The following BAZ2B variants were observed in gnomAD, a reference collection of about 807,000 sequenced individuals.
BAZ2B encodes bromodomain adjacent to zinc finger domain protein 2B.
In BAZ2B, 91 loss-of-function variants were observed where a neutral mutation model predicts 246.0. That is an observed-to-expected ratio of 0.37 (90% CI 0.31 to 0.44). The LOEUF (loss-of-function observed/expected upper bound fraction) is 0.44. BAZ2B is among the 20% of genes least tolerant of loss of function. BAZ2B has a pLI of 1.00. For missense variants in BAZ2B, 2,332 were observed against 2,533.7 expected, an observed-to-expected ratio of 0.92 and a Z score of 1.71; for synonymous variants, 855 against 860.0, an observed-to-expected ratio of 0.99 and a Z score of 0.10.
Position 159,519,236 on chromosome 2 carries a change from T to TTTTTTTTTTA in BAZ2B, c.-3+36586_-3+36587insTAAAAAAAAA, listed in dbSNP as rs1553692833. ...TTTTTTTTTTTTTTTTTTTTTTTTT[T>TTTTTTTTTTA]TTTTGAGACGGAGTCTCGCTCTGTC... On this transcript the variant is annotated intron_variant, in intron 2 of 36. Coordinates refer to ENST00000392783, the MANE Select transcript of BAZ2B (RefSeq NM_013450.4). 1.7e-3 allele frequency among the ~76,000 whole-genome samples: 122 copies of TTTTTTTTTTA among 70,612 alleles called. 6 individuals carry two copies. Among genetic ancestry groups the TTTTTTTTTTA allele is most frequent in the Non-Finnish European group, 2.3e-3 (82 of 35,890 alleles). 46.3% of individuals were successfully genotyped at this position (70,612 alleles called of 152,430 possible).
At chr2:159,573,335 G>A (rs1684474648) in intron 1 of BAZ2B, among the ~76,000 whole-genome samples, 1 of 152,120 alleles carries the variant, frequency 6.6e-6, no homozygotes, top group South Asian at 2.1e-4. Flanking sequence ...GAATAGAATT[G>A]AGATTCAAGA....
rs570573991 is a variant in BAZ2B at position 159,530,317 on chromosome 2, C to T, written c.-3+25506G>A. 2.0e-3 allele frequency among the ~76,000 whole-genome samples: 297 copies of T among 152,270 alleles called. 4 individuals carry two copies. The highest frequency in any genetic ancestry group is 8.8e-5 in the Non-Finnish European group (6 of 68,024). ...TTAATTTTAACCATGACTTATTACT[C>T]TTCAGTATAGATCAACTGTCCAGCT... On this transcript the variant is annotated intron_variant, in intron 2 of 36. Transcript: ENST00000392783.
intron 8 of BAZ2B, among the ~76,000 whole-genome samples, chr2:159,436,591 A>C (rs2072360893): frequency 6.6e-6 from 1 of 152,136 alleles, no homozygotes; most frequent in African/African-American, 2.4e-5. Context: ...TCTACTAAAA[A>C]TACAAAAAAA....
intron 2 of BAZ2B, among the ~76,000 whole-genome samples, chr2:159,524,946 G>A (rs2084567169): frequency 6.6e-6 from 1 of 152,056 alleles, no homozygotes; most frequent in Non-Finnish European, 1.5e-5. Flanking sequence ...AGCTACTCAG[G>A]AAACTGAGGC....
At chr2:159,680,306 TTG>T in the BAZ2B span, among the ~76,000 whole-genome samples, 282 of 152,360 alleles carry the variant, frequency 1.9e-3, 2 homozygotes, top group East Asian at 0.029. Flanking sequence ...TCTTTGAGCT[TTG>T]TGTCTTGTGC....
At chr2:159,492,274 C>G (rs2080594386) in intron 2 of BAZ2B, among the ~76,000 whole-genome samples, 1 of 152,134 alleles carries the variant, frequency 6.6e-6, no homozygotes, top group Non-Finnish European at 1.5e-5. Flanking sequence ...AAAGTGACAC[C>G]ATGAATGACA....
At chr2:159,420,050 T>C (rs2068455455) in intron 13 of BAZ2B, among the ~76,000 whole-genome samples, 4 of 152,256 alleles carry the variant, frequency 2.6e-5, no homozygotes, top group Admixed American at 2.6e-4. Flanking sequence ...CCCTAATTTT[T>C]AGCTGGGCAG....
At chr2:159,480,747 A>G (rs2079140837) in intron 2 of BAZ2B, among the ~76,000 whole-genome samples, 1 of 151,932 alleles carries the variant, frequency 6.6e-6, no homozygotes, top group South Asian at 2.1e-4. Context: ...GTAAAGGTGT[A>G]ATTTTTTTTC....
the BAZ2B span, among the ~76,000 whole-genome samples, chr2:159,623,662 C>A: frequency 6.6e-6 from 1 of 152,076 alleles, no homozygotes; most frequent in African/African-American, 2.4e-5. Flanking sequence ...AAAACCCCAA[C>A]AAGGGAGAAT....
intron 2 of BAZ2B, among the ~76,000 whole-genome samples, chr2:159,545,305 T>G (rs938476093): frequency 6.6e-6 from 1 of 152,218 alleles, no homozygotes; most frequent in Non-Finnish European, 1.5e-5. Context: ...GCACTCTGGT[T>G]ACATCTCCTT....
chr2:159,689,870 A>T, the BAZ2B span: 1 of 438,932 alleles, frequency 2.3e-6, no homozygotes, highest in Non-Finnish European at 4.1e-6. Context: ...ATAAGAGGTC[A>T]TCCATATCTG....
the BAZ2B span, among the ~76,000 whole-genome samples, chr2:159,669,794 T>C: frequency 6.6e-6 from 1 of 152,174 alleles, no homozygotes; most frequent in Admixed American, 6.5e-5. Flanking sequence ...AAATCTCTTG[T>C]AGGAAGTATA....
chr2:159,662,686 G>A, the BAZ2B span, among the ~76,000 whole-genome samples: 20 of 151,682 alleles, frequency 1.3e-4, 1 homozygote, highest in African/African-American at 4.3e-4. Context: ...CACCATGCCC[G>A]GCTAATTTTT....
chr2:159,583,685 A>G (rs1687372896), intron 1 of BAZ2B, among the ~76,000 whole-genome samples: 1 of 152,160 alleles, frequency 6.6e-6, no homozygotes, highest in African/African-American at 2.4e-5. Flanking sequence ...TCATGGGGAG[A>G]GACAGATAAC....
rs555627054 is a variant in BAZ2B at position 159,506,378 on chromosome 2, A to G, written c.-2-27657T>C. ...GGAGATCTGAGCTGTAATATGCTGT[A>G]TTACACTAGGATAAATGAATATCCA... On this transcript the variant is annotated intron_variant, in intron 2 of 36. Transcript: ENST00000392783. 2.6e-5 allele frequency among the ~76,000 whole-genome samples: 4 copies of G among 152,290 alleles called. No homozygotes were observed. The East Asian group carries it at 7.7e-4, about 29-fold the overall frequency.
intron 20 of BAZ2B, among the ~76,000 whole-genome samples, chr2:159,394,143 CA>C (rs1265301967): frequency 6.6e-6 from 1 of 150,550 alleles, no homozygotes; most frequent in Admixed American, 6.6e-5. Context: ...AAAAAAAAAA[CA>C]AAACAAAACC....
At chr2:159,659,719 C>T in the BAZ2B span, among the ~76,000 whole-genome samples, 1 of 152,132 alleles carries the variant, frequency 6.6e-6, no homozygotes, top group African/African-American at 2.4e-5. Flanking sequence ...CACAGACTCT[C>T]ACTATTCATA....
In BAZ2B at chr2:159,320,035, G is replaced by T. The variant is rs751413688; in HGVS notation, c.*230C>A. 1.4e-5 allele frequency: 5 copies of T among 362,460 alleles called. No individual in the cohort carries two copies. In the Admixed American group the frequency reaches 1.5e-4, roughly 11 times the overall value. The allele number at this position is 362,460 out of a possible 1,614,324, so 22.5% of individuals were successfully genotyped here. A position where few individuals can be genotyped will look rare whatever the true frequency, so the allele number is the denominator to read the frequency against. The stretch of plus-strand genomic sequence containing the variant: ...GAAAATTCTTTGGGTGTGCTTCCCT[G>T]TTCTACCTAAATTAGCTGATAAATC... On this transcript the variant is annotated 3_prime_UTR_variant, in exon 37 of 37. Coordinates refer to ENST00000392783, the MANE Select transcript of BAZ2B (RefSeq NM_013450.4).
the BAZ2B span, among the ~76,000 whole-genome samples, chr2:159,661,775 CATCT>C: frequency 1.6e-5 from 2 of 128,918 alleles, no homozygotes; most frequent in South Asian, 5.3e-4. Context: ...GTAAAACCAT[CATCT>C]TTTTTTTTTT....
Sources: allele counts gnomAD v4.1 joint callset (sites outside exome capture counted in the v4.1 genomes callset), GRCh38; gene constraint gnomAD v4.1.1; transcripts MANE v1.5; gene names NCBI Gene and HGNC (gene_info 2026-07-23, HGNC 2026-07-21).